OR9Q1: variants seen among roughly 807,000 people sequenced by gnomAD.
OR9Q1 encodes the protein olfactory receptor family 9 subfamily Q member 1.
For synonymous variants in OR9Q1, 153 were observed against 148.6 expected, an observed-to-expected ratio of 1.03 and a Z score of -0.22; for missense variants, 374 against 378.8, an observed-to-expected ratio of 0.99 and a Z score of 0.11.
rs148066479 is a variant in OR9Q1 at position 58,180,303 on chromosome 11, C to T, written c.859C>T (p.Leu287Phe). The T allele has an allele frequency of 1.9e-6, 3 of 1,613,494 alleles. No homozygotes were observed. Among genetic ancestry groups the T allele is most frequent in the Non-Finnish European group, 2.5e-6 (3 of 1,179,554 alleles). Residue 287 changes from leucine to phenylalanine, a missense_variant, in exon 3 of 3, where the codon CTC becomes TTC. Coordinates refer to ENST00000335397, the MANE Select transcript of OR9Q1 (RefSeq NM_001005212.4). ...YTEVIPMLNP[L>F]IYSLRNKEVK... ...AGAGGTCATCCCCATGTTGAATCCC[C>T]TCATCTACAGCCTGAGGAACAAGGA... is the stretch of plus-strand genomic sequence containing the variant.
chr11:58,082,799 TTTA>T (rs1448229107), intron 2 of OR9Q1, among the ~76,000 whole-genome samples: 2 of 148,764 alleles, frequency 1.3e-5, no homozygotes, highest in African/African-American at 2.5e-5. Flanking sequence ...TTTTTAAAAT[TTTA>T]TTATTATTAT....
chr11:58,155,879 AT>A (rs1398849081), intron 2 of OR9Q1, among the ~76,000 whole-genome samples: 1 of 150,956 alleles, frequency 6.6e-6, no homozygotes, highest in Admixed American at 6.6e-5. Flanking sequence ...ATTTTGGCAT[AT>A]GAAATGGCCA....
chr11:58,181,149 C>G lies in OR9Q1; in HGVS notation c.*772C>G, dbSNP rs557737951. 1 of 167,104 alleles carries G rather than the reference C, an allele frequency of 6.0e-6. No homozygotes were observed. The highest frequency in any genetic ancestry group is 2.4e-5 in the African/African-American group (1 of 41,550). 10.4% of individuals were successfully genotyped at this position (167,104 alleles called of 1,614,324 possible). ...GATATATGCCCTGTTCTTTTTCTTCCTACCTATTACAGTTCTCTCTCGTCA... is the reference window on the plus strand; with the variant it reads ...GATATATGCCCTGTTCTTTTTCTTCGTACCTATTACAGTTCTCTCTCGTCA... On this transcript the variant is annotated 3_prime_UTR_variant, in exon 3 of 3. Coordinates refer to ENST00000335397, the MANE Select transcript of OR9Q1 (RefSeq NM_001005212.4).
chr11:58,166,058 G>A (rs978759789), intron 2 of OR9Q1, among the ~76,000 whole-genome samples: 3 of 152,200 alleles, frequency 2.0e-5, no homozygotes, highest in Non-Finnish European at 4.4e-5. Context: ...ACCATATAAC[G>A]ATGATAATGA....
chr11:58,073,811 T>G (rs1853513076), intron 2 of OR9Q1, among the ~76,000 whole-genome samples: 1 of 152,106 alleles, frequency 6.6e-6, no homozygotes. Flanking sequence ...TTGCCCCCCA[T>G]GCCCTTACAG....
At chr11:58,100,487 ACATT>A (rs1237077033) in intron 2 of OR9Q1, among the ~76,000 whole-genome samples, 2 of 152,150 alleles carry the variant, frequency 1.3e-5, no homozygotes, top group African/African-American at 4.8e-5. Context: ...TTTTAATTAG[ACATT>A]CAGTAGTTCC....
intron 2 of OR9Q1, among the ~76,000 whole-genome samples, chr11:58,091,627 TG>T (rs1853685133): frequency 6.6e-6 from 1 of 152,190 alleles, no homozygotes; most frequent in African/African-American, 2.4e-5. Flanking sequence ...TCTGTTGATT[TG>T]GGGTGGAGAG....
intron 2 of OR9Q1, among the ~76,000 whole-genome samples, chr11:58,156,960 ATAATAAAGCATTTTTCTTAATAACCT>A (rs1395135473): frequency 6.6e-6 from 1 of 152,208 alleles, no homozygotes; most frequent in East Asian, 1.9e-4. Context: ...TTTTTATAAG[ATAATAAAGCATTTTTCTTAATAACCT>A]GTGAGTCAAC....
intron 2 of OR9Q1, among the ~76,000 whole-genome samples, chr11:58,177,171 T>C (rs1458871644): frequency 6.6e-6 from 1 of 152,234 alleles, no homozygotes; most frequent in Non-Finnish European, 1.5e-5. Flanking sequence ...GAACTTACTG[T>C]TAGCTCAAAA....
chr11:58,152,791 C>T (rs1565091688), intron 2 of OR9Q1, among the ~76,000 whole-genome samples: 1 of 152,118 alleles, frequency 6.6e-6, no homozygotes, highest in Non-Finnish European at 1.5e-5. Context: ...CCAAGATAAT[C>T]AAATTATTTA....
At chr11:58,152,209 A>G (rs1214606419) in intron 2 of OR9Q1, among the ~76,000 whole-genome samples, 1 of 152,172 alleles carries the variant, frequency 6.6e-6, no homozygotes, top group African/African-American at 2.4e-5. Flanking sequence ...GATAGGTGGG[A>G]TGAGAGGATA....
intron 2 of OR9Q1, among the ~76,000 whole-genome samples, chr11:58,126,309 T>C (rs1181818861): frequency 6.6e-6 from 1 of 152,170 alleles, no homozygotes; most frequent in Non-Finnish European, 1.5e-5. Flanking sequence ...CTCTGCTGGA[T>C]TGTGGGTTCC....
intron 2 of OR9Q1, among the ~76,000 whole-genome samples, chr11:58,116,366 A>T (rs1853954828): frequency 6.6e-6 from 1 of 152,224 alleles, no homozygotes; most frequent in South Asian, 2.1e-4. Flanking sequence ...TCCAGTGTGT[A>T]TAGCTAGGCC....
chr11:58,136,755 G>A (rs1854193339), intron 2 of OR9Q1, among the ~76,000 whole-genome samples: 2 of 152,272 alleles, frequency 1.3e-5, no homozygotes, highest in Admixed American at 6.5e-5. Context: ...CAGAGTTGAA[G>A]CTTAGAAGGA....
intron 1 of OR9Q1, among the ~76,000 whole-genome samples, chr11:58,030,556 C>T (rs957966034): frequency 9.2e-5 from 14 of 152,176 alleles, no homozygotes; most frequent in African/African-American, 3.4e-4. Flanking sequence ...TTCCCCAATG[C>T]ACAATCTCCT....
intron 1 of OR9Q1, among the ~76,000 whole-genome samples, chr11:58,048,091 A>G (rs1853237455): frequency 6.6e-6 from 1 of 152,184 alleles, no homozygotes; most frequent in South Asian, 2.1e-4. Flanking sequence ...CTTGCCTAAG[A>G]CTGCTTCACA....
chr11:58,043,819 A>G (rs779808611), intron 1 of OR9Q1, among the ~76,000 whole-genome samples: 2 of 152,122 alleles, frequency 1.3e-5, no homozygotes, highest in African/African-American at 2.4e-5. Context: ...TTCACTTTAT[A>G]GTCTAGTTTC....
At chr11:58,156,683 C>A (rs1318797173) in intron 2 of OR9Q1, among the ~76,000 whole-genome samples, 1 of 152,170 alleles carries the variant, frequency 6.6e-6, no homozygotes, top group African/African-American at 2.4e-5. Context: ...TAATATCTCA[C>A]AGATATATTG....
At chr11:58,119,552 G>C (rs949541831) in intron 2 of OR9Q1, 2 of 727,892 alleles carry the variant, frequency 2.7e-6, no homozygotes, top group Admixed American at 6.0e-5. Context: ...TTTTAATTCT[G>C]GGTCTATTTG....
Sources: gnomAD v4.1 joint callset for allele counts (sites outside exome capture counted in the v4.1 genomes callset) on GRCh38, gnomAD v4.1.1 for gene constraint, MANE v1.5 for transcripts, NCBI Gene and HGNC (gene_info 2026-07-23, HGNC 2026-07-21) for gene names.